Variants in FZR1 observed in about 807,000 individuals in gnomAD.
FZR1 encodes fizzy-related protein homolog.
In FZR1, 11 loss-of-function variants were observed where a neutral mutation model predicts 63.6. That is an observed-to-expected ratio of 0.17 (90% CI 0.11 to 0.29). The LOEUF (loss-of-function observed/expected upper bound fraction) is 0.29. Among genes scored for constraint, FZR1 ranks in the 10% least tolerant of loss-of-function variants. FZR1 has a pLI of 1.00. For synonymous variants in FZR1, 328 were observed against 297.9 expected, an observed-to-expected ratio of 1.10 and a Z score of -1.04; for missense variants, 440 against 687.5, an observed-to-expected ratio of 0.64 and a Z score of 4.03.
rs971992873 is a variant in FZR1 at position 3,532,533 on chromosome 19, C to T, written c.1125C>T (p.Gly375=). 2.2e-5 allele frequency: 35 copies of T among 1,611,784 alleles called. No homozygotes were observed. The highest frequency in any genetic ancestry group is 1.1e-4 in the East Asian group (5 of 44,866). ...PHQHGLLASG[G]GTADRCIRFW... ...AGCACGGGCTGCTGGCCTCGGGGGGCGGCACAGCTGACCGCTGTATCCGCT... is the reference window on the plus strand; with the variant it reads ...AGCACGGGCTGCTGGCCTCGGGGGGTGGCACAGCTGACCGCTGTATCCGCT... The change falls in exon 11 of 14, where the codon GGC becomes GGT. Residue 375 remains glycine, a synonymous_variant. Transcript: ENST00000441788.
chr19:3,534,651 T>C, intron 13 of FZR1, 138 bp downstream of exon 13: 1 of 902,262 alleles, frequency 1.1e-6, no homozygotes, highest in South Asian at 1.4e-5. Context: ...TTCTGGGTCA[T>C]GTGTCGGGGC....
intron 1 of FZR1, among the ~76,000 whole-genome samples, chr19:3,521,727 C>T (rs992959030): frequency 1.3e-5 from 2 of 152,214 alleles, no homozygotes; most frequent in African/African-American, 4.8e-5. Flanking sequence ...GTCTCAAATT[C>T]CTGACCTCGT....
At position 3,533,459 on chromosome 19, in the gene FZR1, C is replaced by G. The variant is rs982722232; in HGVS notation, c.1347+61C>G. On this transcript the variant is annotated intron_variant, in intron 12 of 13. Transcript: ENST00000441788. This position sits in a 1 kb window ranked among gnomAD's most constrained non-coding sequence, Gnocchi z 4.9. ...ATTCTGGACAAACTGCCATGGCCAC[C>G]CCAGAGCACCCTGTCCTGTGTTCTT... 4.2e-6 allele frequency: 4 copies of G among 953,964 alleles called. No individual in the cohort carries two copies. The highest frequency in any genetic ancestry group is 6.8e-6 in the Non-Finnish European group (4 of 586,126). The allele number at this position is 953,964 out of a possible 1,614,324, so 59.1% of individuals were successfully genotyped here. A position where few individuals can be genotyped will look rare whatever the true frequency, so the allele number is the denominator to read the frequency against.
At chr19:3,522,892 G>A (rs962541604) in intron 1 of FZR1, 64 bp from the exon 2 acceptor site, 15 of 835,698 alleles carry the variant, frequency 1.8e-5, no homozygotes, top group East Asian at 1.7e-4. Context: ...AGGTGCAGGC[G>A]AGCCCCGTGG....
At chr19:3,534,190 C>G (rs2083274471) in intron 12 of FZR1, 1 of 472,090 alleles carries the variant, frequency 2.1e-6, no homozygotes, top group Non-Finnish European at 3.8e-6. Flanking sequence ...ACTGCACACT[C>G]CAGCCTGGGT....
chr19:3,531,420 G>A (rs781220834), intron 8 of FZR1, among the ~76,000 whole-genome samples: 74 of 152,232 alleles, frequency 4.9e-4, no homozygotes, highest in Admixed American at 7.8e-4. Context: ...CTGGAGCTCA[G>A]TGTCTGCAGT....
chr19:3,534,727 G>T, intron 13 of FZR1, 68 bp from the exon 14 acceptor site: 4 of 1,436,668 alleles, frequency 2.8e-6, no homozygotes, highest in Non-Finnish European at 3.9e-6. Flanking sequence ...AAAGCCTTGG[G>T]GACCCTCCAG....
intron 1 of FZR1, chr19:3,521,146 T>G (rs1244208947): frequency 6.6e-6 from 1 of 152,320 alleles, no homozygotes; most frequent in African/African-American, 2.4e-5. Context: ...TTGGCTGTTG[T>G]GAATTGTGCG....
rs1476916028 is a variant in FZR1, at chr19:3,515,383, C to T, written c.-34-7573C>T. On this transcript the variant is annotated intron_variant, in intron 1 of 13. Coordinates refer to ENST00000441788, the MANE Select transcript of FZR1 (RefSeq NM_016263.4). The surrounding 1 kb of genome is among the most constrained non-coding windows in gnomAD (Gnocchi z 4.6). The stretch of plus-strand genomic sequence containing the variant: ...AGCATCCAGCAAAGGAGGGAGAATG[C>T]GGTGGTGCCCGGTCTCATCCGGAGC... 2.0e-5 allele frequency among the ~76,000 whole-genome samples: 3 copies of T among 152,164 alleles called. No individual in the cohort carries two copies.
rs1358648231 is a variant in FZR1, at chr19:3,514,878, G to A, written c.-34-8078G>A. Among the ~76,000 whole-genome samples, 2 of 152,334 alleles carry A rather than the reference G, an allele frequency of 1.3e-5. No individual in the cohort carries two copies. Among genetic ancestry groups the A allele is most frequent in the South Asian group, 2.1e-4 (1 of 4,834 alleles). On this transcript the variant is annotated intron_variant, in intron 1 of 13. Coordinates refer to ENST00000441788, the MANE Select transcript of FZR1 (RefSeq NM_016263.4). This position sits in a 1 kb window ranked among gnomAD's most constrained non-coding sequence, Gnocchi z 4.2. ...CCCAGGGGAACAGGAAGAAGCTCGA[G>A]ACTGAAGGCTTGCCCGGGGCAGTGG...
chr19:3,531,147 C>T (rs952693835), intron 8 of FZR1, among the ~76,000 whole-genome samples: 1 of 152,108 alleles, frequency 6.6e-6, no homozygotes, highest in Non-Finnish European at 1.5e-5. Flanking sequence ...CCTGGAGTTC[C>T]ATTTTCCACT....
Position 3,516,790 on chromosome 19 carries a change from T to C in FZR1, c.-34-6166T>C, listed in dbSNP as rs1399192721. 6.6e-6 allele frequency among the ~76,000 whole-genome samples: 1 copy of C among 152,194 alleles called. No homozygotes were observed. Among genetic ancestry groups the C allele is most frequent in the Admixed American group, 6.5e-5 (1 of 15,282 alleles). On this transcript the variant is annotated intron_variant, in intron 1 of 13. Coordinates refer to ENST00000441788, the MANE Select transcript of FZR1 (RefSeq NM_016263.4). This position sits in a 1 kb window ranked among gnomAD's most constrained non-coding sequence, Gnocchi z 6.0. Reference sequence around the variant, plus strand: ...AGCGTTGAGTGAGTTGTGTGGCCAGTAGACTGACAGCTGCTGCCCACCTGG... The same window carrying C: ...AGCGTTGAGTGAGTTGTGTGGCCAGCAGACTGACAGCTGCTGCCCACCTGG...
In FZR1 at chr19:3,526,069, C is replaced by T. The variant is rs544362422; in HGVS notation, c.196-51C>T. ...CCTCCCAGCCTCCTTGCTCTAGGGC[C>T]GGGAACAAGCGGGCTCCTCGACCCC... On this transcript the variant is annotated intron_variant, in intron 3 of 13. Coordinates refer to ENST00000441788, the MANE Select transcript of FZR1 (RefSeq NM_016263.4). This position sits in a 1 kb window ranked among gnomAD's most constrained non-coding sequence, Gnocchi z 5.4. The T allele has an allele frequency of 5.2e-5, 84 of 1,610,652 alleles. 1 individual carries two copies. The South Asian group carries it at 8.0e-4, about 15-fold the overall frequency.
At position 3,514,084 on chromosome 19, in the gene FZR1, A is replaced by T. The variant is rs1478202247; in HGVS notation, c.-35+7610A>T. 6.6e-6 allele frequency among the ~76,000 whole-genome samples: 1 copy of T among 152,032 alleles called. No individual in the cohort carries two copies. The highest frequency in any genetic ancestry group is 2.4e-5 in the African/African-American group (1 of 41,378). On this transcript the variant is annotated intron_variant, in intron 1 of 13. Coordinates refer to ENST00000441788, the MANE Select transcript of FZR1 (RefSeq NM_016263.4). The surrounding 1 kb of genome is among the most constrained non-coding windows in gnomAD (Gnocchi z 4.2). ...TGAGGAAGATCCCGCACCAGGGGAG[A>T]CCTTGGGGGCTTTGCATTGGTGCTG...
chr19:3,514,935 G>A lies in FZR1; in HGVS notation c.-34-8021G>A, dbSNP rs115943771. On this transcript the variant is annotated intron_variant, in intron 1 of 13. Transcript: ENST00000441788. This position sits in a 1 kb window ranked among gnomAD's most constrained non-coding sequence, Gnocchi z 4.2. ...GAGGCCTCCTGGCTCTTCATTCTGG[G>A]GCCCAGGGGGTGAAAGGTGGACCTT... is the stretch of plus-strand genomic sequence containing the variant. 6.9e-3 allele frequency among the ~76,000 whole-genome samples: 1,044 copies of A among 152,270 alleles called. 13 individuals carry two copies. Among genetic ancestry groups the A allele is most frequent in the African/African-American group, 0.024 (988 of 41,556 alleles).
intron 1 of FZR1, among the ~76,000 whole-genome samples, chr19:3,510,492 A>G (rs1418328385): frequency 2.6e-5 from 4 of 152,160 alleles, no homozygotes; most frequent in African/African-American, 7.2e-5. Context: ...TTTTGCACAC[A>G]TTCCCTTCTG....
intron 1 of FZR1, among the ~76,000 whole-genome samples, chr19:3,521,854 C>CTT (rs752626707): frequency 2.6e-4 from 36 of 139,594 alleles, no homozygotes; most frequent in Middle Eastern, 3.7e-3. Context: ...AATTTTTTCA[C>CTT]TTTTTTTTTT....
intron 1 of FZR1, among the ~76,000 whole-genome samples, chr19:3,520,983 GTC>G (rs1473052029): frequency 2.0e-5 from 3 of 152,336 alleles, no homozygotes; most frequent in Non-Finnish European, 2.9e-5. Flanking sequence ...TGTGTCTGGT[GTC>G]TCTCACAGGG....
chr19:3,527,184 G>C, intron 6 of FZR1, 122 bp downstream of exon 6: 1 of 786,802 alleles, frequency 1.3e-6, no homozygotes, highest in Non-Finnish European at 2.2e-6. Flanking sequence ...GCTGAAGGGG[G>C]CTTCCCAGGG....
Sources: allele counts gnomAD v4.1 joint callset (sites outside exome capture counted in the v4.1 genomes callset), GRCh38; gene constraint gnomAD v4.1.1; non-coding constraint Gnocchi (gnomAD v3.1); transcripts MANE v1.5; gene names NCBI Gene and HGNC (gene_info 2026-07-23, HGNC 2026-07-21).